Variants in CSMD1 observed in about 807,000 individuals in gnomAD.
CSMD1 encodes CUB and sushi domain-containing protein 1.
CSMD1 carries 213 observed loss-of-function variants against 417.5 expected under a neutral mutation model. The ratio of observed to expected loss-of-function variants is 0.51; its 90% CI spans 0.46 to 0.57. CSMD1 has a LOEUF of 0.57. CSMD1 is among the 20% of genes least tolerant of loss of function. CSMD1 has a pLI of 0.00. For missense variants in CSMD1, 6,923 were observed against 4,529.7 expected (o/e 1.53, Z -15.17); for synonymous variants, 2,862 against 1,736.8 (o/e 1.65, Z -16.11).
At chr8:3,991,365 G>C (rs1422828200) in intron 5 of CSMD1, among the ~76,000 whole-genome samples, 3 of 152,298 alleles carry the variant, frequency 2.0e-5, no homozygotes, top group African/African-American at 7.2e-5. Flanking sequence ...ACCTACCTAA[G>C]ACTTCAGTGC....
intron 1 of CSMD1, among the ~76,000 whole-genome samples, chr8:4,896,668 CG>C (rs1389683329): frequency 6.6e-6 from 1 of 151,928 alleles, no homozygotes; most frequent in African/African-American, 2.4e-5. Flanking sequence ...AAATTTTTTC[CG>C]GGGGAAGGAT....
At chr8:4,356,642 G>C (rs1801448234) in intron 3 of CSMD1, among the ~76,000 whole-genome samples, 1 of 152,196 alleles carries the variant, frequency 6.6e-6, no homozygotes. Flanking sequence ...TTCTGGTCCT[G>C]CGAAGGTAGT....
chr8:4,642,001 A>G (rs1385068846), intron 1 of CSMD1, among the ~76,000 whole-genome samples: 1 of 152,156 alleles, frequency 6.6e-6, no homozygotes, highest in African/African-American at 2.4e-5. Context: ...AGATGTGAAC[A>G]ATTTGGATTT....
intron 2 of CSMD1, among the ~76,000 whole-genome samples, chr8:4,592,246 A>G (rs1020039968): frequency 6.6e-6 from 1 of 151,498 alleles, no homozygotes; most frequent in African/African-American, 2.4e-5. Context: ...ATCTAGTTGC[A>G]GTAACTAAAG....
intron 49 of CSMD1, among the ~76,000 whole-genome samples, chr8:3,061,961 C>T (rs1207411192): frequency 6.6e-6 from 1 of 152,112 alleles, no homozygotes; most frequent in Non-Finnish European, 1.5e-5. Flanking sequence ...CGAAGCCTGC[C>T]TTTCAGTTAC....
At chr8:3,011,110 T>G (rs1331277053) in intron 52 of CSMD1, among the ~76,000 whole-genome samples, 1 of 152,176 alleles carries the variant, frequency 6.6e-6, no homozygotes, top group Non-Finnish European at 1.5e-5. Flanking sequence ...GAACCAATCT[T>G]ATTAACCTCT....
intron 3 of CSMD1, among the ~76,000 whole-genome samples, chr8:4,327,544 T>C (rs1799629100): frequency 6.6e-6 from 1 of 152,128 alleles, no homozygotes; most frequent in African/African-American, 2.4e-5. Context: ...CCAGCTCCAA[T>C]GTTGGCTTTC....
intron 1 of CSMD1, among the ~76,000 whole-genome samples, chr8:4,786,782 C>T (rs959683018): frequency 2.0e-5 from 3 of 152,066 alleles, no homozygotes; most frequent in African/African-American, 4.8e-5. Flanking sequence ...AAACTTCAAG[C>T]ATGCATACAT....
In CSMD1 at chr8:4,173,382, G is replaced by C. The variant is rs372485404; in HGVS notation, c.416-141283C>G. ...GATGCTGAACAGAAGATGAGACAGAGGCATAAAGAGAAGTTTGCATTTAAC... is the reference window on the plus strand; with the variant it reads ...GATGCTGAACAGAAGATGAGACAGACGCATAAAGAGAAGTTTGCATTTAAC... On this transcript the variant is annotated intron_variant, in intron 3 of 69. Coordinates refer to ENST00000635120, the MANE Select transcript of CSMD1 (RefSeq NM_033225.6). Among the ~76,000 whole-genome samples the C allele has an allele frequency of 9.9e-5, 15 of 152,212 alleles. 1 individual carries two copies. In the South Asian group the frequency reaches 2.7e-3, roughly 27 times the overall value.
intron 2 of CSMD1, among the ~76,000 whole-genome samples, chr8:4,615,836 T>C (rs1451117091): frequency 6.6e-6 from 1 of 152,170 alleles, no homozygotes; most frequent in East Asian, 1.9e-4. Context: ...AAAACCTTCC[T>C]TTTTCTGATA....
At chr8:4,374,899 G>C (rs1015044574) in intron 3 of CSMD1, among the ~76,000 whole-genome samples, 3 of 134,550 alleles carry the variant, frequency 2.2e-5, no homozygotes, top group Non-Finnish European at 4.6e-5. Flanking sequence ...AAGAGCCAAT[G>C]ATCTGTTCCA....
At chr8:4,893,921 G>T (rs1006322293) in intron 1 of CSMD1, among the ~76,000 whole-genome samples, 1 of 151,952 alleles carries the variant, frequency 6.6e-6, no homozygotes, top group Non-Finnish European at 1.5e-5. Context: ...TGTCTTTTTC[G>T]CAAAATGTTG....
rs539393213 is a variant in CSMD1 at position 4,308,495 on chromosome 8, A to C, written c.415+111458T>G. 3.3e-5 allele frequency among the ~76,000 whole-genome samples: 5 copies of C among 152,300 alleles called. No individual in the cohort carries two copies. The South Asian group carries it at 1.0e-3, about 32-fold the overall frequency. ...CGAGGGCCAATGTGAAACACGGCAA[A>C]AGGCCATTTCAGTACTTCAGAGACC... On this transcript the variant is annotated intron_variant, in intron 3 of 69. Coordinates refer to ENST00000635120, the MANE Select transcript of CSMD1 (RefSeq NM_033225.6).
At chr8:4,215,901 A>G (rs1157472575) in intron 3 of CSMD1, among the ~76,000 whole-genome samples, 1 of 152,222 alleles carries the variant, frequency 6.6e-6, no homozygotes, top group African/African-American at 2.4e-5. Context: ...AAAAAATTAA[A>G]CAAGAACAAA....
chr8:4,651,015 C>T (rs1354941600), intron 1 of CSMD1, among the ~76,000 whole-genome samples: 2 of 152,074 alleles, frequency 1.3e-5, no homozygotes, highest in East Asian at 3.9e-4. Context: ...GACAAGGGAC[C>T]ATTTGCAATA....
intron 3 of CSMD1, among the ~76,000 whole-genome samples, chr8:4,372,409 T>C (rs966929406): frequency 1.3e-5 from 2 of 152,158 alleles, no homozygotes; most frequent in African/African-American, 4.8e-5. Flanking sequence ...TCATTTCATC[T>C]GTATTTGACA....
chr8:4,714,109 C>A (rs924134449), intron 1 of CSMD1, among the ~76,000 whole-genome samples: 2 of 152,092 alleles, frequency 1.3e-5, no homozygotes, highest in African/African-American at 4.8e-5. Flanking sequence ...CATGCCATTG[C>A]ACTCCAGTCT....
rs1169367782 is a variant in CSMD1 at position 3,400,509 on chromosome 8, GTATCT to G, written c.2267-985_2267-981del. On this transcript the variant is annotated intron_variant, in intron 15 of 69. Transcript: ENST00000635120. Reference sequence around the variant, plus strand: ...AGTGAAATTTATGGATTTACCAATAGTATCTTAATTTACGTCAGGAAACAAATACA... The same window carrying G: ...AGTGAAATTTATGGATTTACCAATAGTAATTTACGTCAGGAAACAAATACA... Among the ~76,000 whole-genome samples the G allele has an allele frequency of 2.0e-5, 3 of 152,020 alleles. No individual in the cohort carries two copies. The East Asian group carries it at 5.8e-4, about 29-fold the overall frequency.
chr8:4,753,176 G>C (rs566766917), intron 1 of CSMD1, among the ~76,000 whole-genome samples: 10 of 152,164 alleles, frequency 6.6e-5, no homozygotes, highest in African/African-American at 2.4e-4. Context: ...ACATACAGGA[G>C]GCAATGGAGA....
Sources: gnomAD v4.1 joint callset for allele counts (sites outside exome capture counted in the v4.1 genomes callset) on GRCh38, gnomAD v4.1.1 for gene constraint, MANE v1.5 for transcripts, NCBI Gene and HGNC (gene_info 2026-07-23, HGNC 2026-07-21) for gene names.